Variants in TNKS observed in about 807,000 individuals in gnomAD.
The protein encoded by TNKS is poly [ADP-ribose] polymerase tankyrase-1.
A neutral mutation model predicts 135.8 loss-of-function variants in TNKS; 72 were observed. The observed-to-expected ratio is 0.53, with a 90% CI of 0.44 to 0.64. The LOEUF (loss-of-function observed/expected upper bound fraction) is 0.64. Among genes scored for constraint, TNKS ranks in the 30% least tolerant of loss-of-function variants. The pLI is 0.00. For missense variants in TNKS, 1,769 were observed against 1,674.0 expected (o/e 1.06, Z -0.99); for synonymous variants, 849 against 649.3 (o/e 1.31, Z -4.68).
intron 1 of TNKS, among the ~76,000 whole-genome samples, chr8:9,570,952 G>A (rs1797732495): frequency 6.6e-6 from 1 of 152,188 alleles, no homozygotes; most frequent in Admixed American, 6.5e-5. Context: ...CTGGGCAATA[G>A]AGTAAGACCT....
Position 9,766,285 on chromosome 8 carries a change from A to T in TNKS, c.3600A>T (p.Arg1200=), listed in dbSNP as rs1490887757. The change falls in exon 25 of 27, where the codon CGA becomes CGT. Residue 1200 remains arginine, a synonymous_variant. Transcript: ENST00000310430. ...NAIIHKGFDE[R]HAYIGGMFGA... is the part of the protein sequence containing the mutation. ...TTATTCATAAAGGGTTTGATGAGCGACATGCATACATAGGAGGAATGTTTG... is the reference window on the plus strand; with the variant it reads ...TTATTCATAAAGGGTTTGATGAGCGTCATGCATACATAGGAGGAATGTTTG... The T allele has an allele frequency of 6.2e-7, 1 of 1,613,812 alleles. No individual in the cohort carries two copies. Among genetic ancestry groups the T allele is most frequent in the Non-Finnish European group, 8.5e-7 (1 of 1,179,890 alleles).
At chr8:9,560,775 A>T (rs903593122) in intron 1 of TNKS, among the ~76,000 whole-genome samples, 2 of 151,946 alleles carry the variant, frequency 1.3e-5, no homozygotes, top group Non-Finnish European at 2.9e-5. Context: ...ATCTTCCCAG[A>T]CTTAAAATTG....
At chr8:9,747,206 A>G (rs1050583064) in intron 17 of TNKS, among the ~76,000 whole-genome samples, 6 of 151,812 alleles carry the variant, frequency 4.0e-5, no homozygotes, top group Admixed American at 2.0e-4. Flanking sequence ...TTACAACTCA[A>G]TTTCTTTTAA....
chr8:9,557,927 T>C (rs981566439), intron 1 of TNKS: 8 of 152,192 alleles, frequency 5.3e-5, no homozygotes, highest in African/African-American at 1.2e-4. Flanking sequence ...GCTTGTGAAA[T>C]CAAACTTAAA....
intron 3 of TNKS, among the ~76,000 whole-genome samples, chr8:9,664,192 G>T (rs545475040): frequency 6.6e-6 from 1 of 152,320 alleles, no homozygotes; most frequent in African/African-American, 2.4e-5. Flanking sequence ...CATGGTGCCA[G>T]CATCTATGTC....
intron 2 of TNKS, among the ~76,000 whole-genome samples, chr8:9,589,540 C>G (rs1403332461): frequency 1.3e-5 from 2 of 152,230 alleles, no homozygotes; most frequent in Admixed American, 6.5e-5. Context: ...TTCAAGTCCA[C>G]TCTTGTTGCT....
At chr8:9,659,373 A>G (rs955530234) in intron 3 of TNKS, among the ~76,000 whole-genome samples, 5 of 152,250 alleles carry the variant, frequency 3.3e-5, no homozygotes, top group African/African-American at 1.2e-4. Context: ...AACAGAAATT[A>G]TAACAAACTG....
At chr8:9,747,479 A>T (rs191327521) in intron 17 of TNKS, among the ~76,000 whole-genome samples, 2 of 152,216 alleles carry the variant, frequency 1.3e-5, no homozygotes, top group Admixed American at 6.5e-5. Context: ...AATCATTTAG[A>T]CATAACAGAC....
intron 3 of TNKS, among the ~76,000 whole-genome samples, chr8:9,624,847 C>G (rs558761031): frequency 1.5e-4 from 23 of 152,208 alleles, no homozygotes; most frequent in African/African-American, 5.1e-4. Flanking sequence ...GGCATATCCT[C>G]CCGTATACTT....
In TNKS at chr8:9,740,191, G is replaced by A. The variant is rs146890731; in HGVS notation, c.2643+4705G>A. On this transcript the variant is annotated intron_variant, in intron 17 of 26. Transcript: ENST00000310430. ...GAACTGACTGACTGGAAGTAACTAA[G>A]GCCCACTCAAGCCTGGCTCACGGCA... 4.5e-4 allele frequency among the ~76,000 whole-genome samples: 69 copies of A among 152,092 alleles called. No individual in the cohort carries two copies. In the East Asian group the frequency reaches 0.012, roughly 26 times the overall value.
At chr8:9,583,138 C>G (rs544930009) in intron 2 of TNKS, among the ~76,000 whole-genome samples, 4 of 143,582 alleles carry the variant, frequency 2.8e-5, no homozygotes, top group Non-Finnish European at 4.5e-5. Context: ...GCACTCCAGC[C>G]TGGGCGACAG....
In TNKS at chr8:9,610,363, A is replaced by G. The variant is rs1799411984; in HGVS notation, c.899-5219A>G. Among the ~76,000 whole-genome samples the G allele has an allele frequency of 2.0e-5, 3 of 151,488 alleles. No homozygotes were observed. In the South Asian group the frequency reaches 6.2e-4, roughly 31 times the overall value. On this transcript the variant is annotated intron_variant, in intron 2 of 26. Transcript: ENST00000310430. ...TAGCATACTATATATGATATAATGT[A>G]TACTGTATAATATAATGGCATAGTT...
chr8:9,653,637 A>G (rs989368606), intron 3 of TNKS, among the ~76,000 whole-genome samples: 5 of 152,246 alleles, frequency 3.3e-5, no homozygotes, highest in East Asian at 1.9e-4. Context: ...TTCTACTCCA[A>G]TGAGAAAGGC....
intron 26 of TNKS, among the ~76,000 whole-genome samples, chr8:9,772,672 A>G (rs748522590): frequency 3.3e-5 from 5 of 152,080 alleles, no homozygotes; most frequent in Non-Finnish European, 5.9e-5. Context: ...TCAATGTAAA[A>G]TTATAAGGTT....
chr8:9,706,094 G>A (rs1002551232), intron 6 of TNKS, 93 bp from the exon 7 acceptor site: 17 of 753,260 alleles, frequency 2.3e-5, no homozygotes, highest in Admixed American at 1.3e-4. Flanking sequence ...TAAAATAATT[G>A]TATTGGGATT....
At chr8:9,643,867 A>G (rs1284706618) in intron 3 of TNKS, among the ~76,000 whole-genome samples, 3 of 152,202 alleles carry the variant, frequency 2.0e-5, no homozygotes, top group Non-Finnish European at 2.9e-5. Context: ...GGTAAAAGCA[A>G]CCCAGGTGTC....
chr8:9,656,383 C>T (rs1801369698), intron 3 of TNKS, among the ~76,000 whole-genome samples: 1 of 152,076 alleles, frequency 6.6e-6, no homozygotes, highest in Non-Finnish European at 1.5e-5. Context: ...TCAGGAAATA[C>T]AGAGAACTCC....
At chr8:9,658,659 G>T (rs1349391061) in intron 3 of TNKS, among the ~76,000 whole-genome samples, 1 of 152,174 alleles carries the variant, frequency 6.6e-6, no homozygotes, top group Non-Finnish European at 1.5e-5. Flanking sequence ...TTCAAGACTA[G>T]GAAGAAACTG....
At position 9,580,113 on chromosome 8, in the gene TNKS, TACAAAATCA is replaced by T. The variant is rs760915742; in HGVS notation, c.674-44_674-36del. On this transcript the variant is annotated intron_variant, in intron 1 of 26. Coordinates refer to ENST00000310430, the MANE Select transcript of TNKS (RefSeq NM_003747.3). ...TTACAGATATTCTAATGGTTCTTTT[TACAAAATCA>T]AATATATATACAAGACATTTTTTCG... 39 of 1,532,378 alleles carry T rather than the reference TACAAAATCA, an allele frequency of 2.5e-5. No homozygotes were observed. The African/African-American group carries it at 4.4e-4, about 17-fold the overall frequency. 94.9% of individuals were successfully genotyped at this position (1,532,378 alleles called of 1,614,324 possible).
Sources: allele counts gnomAD v4.1 joint callset (sites outside exome capture counted in the v4.1 genomes callset), GRCh38; gene constraint gnomAD v4.1.1; transcripts MANE v1.5; gene names NCBI Gene and HGNC (gene_info 2026-07-23, HGNC 2026-07-21).